Variants in UBE2L3 observed in about 807,000 individuals in gnomAD.
UBE2L3 encodes the protein ubiquitin-conjugating enzyme E2 L3.
Under a neutral mutation model 17.8 loss-of-function variants are expected in UBE2L3, and 1 was observed. The ratio of observed to expected loss-of-function variants is 0.06; its 90% CI spans 0.02 to 0.27. UBE2L3 has a LOEUF of 0.27. Among genes scored for constraint, UBE2L3 ranks in the 10% least tolerant of loss-of-function variants. UBE2L3 has a pLI of 1.00. For synonymous variants in UBE2L3, 44 were observed against 68.5 expected (o/e 0.64, Z 1.76); for missense variants, 40 against 192.6 (o/e 0.21, Z 4.69).
chr22:21,613,586 G>T (rs762658937), intron 3 of UBE2L3, among the ~76,000 whole-genome samples: 1 of 152,152 alleles, frequency 6.6e-6, no homozygotes, highest in Middle Eastern at 3.4e-3. Flanking sequence ...TGCACTTGAC[G>T]GCCACATTCC....
intron 1 of UBE2L3, among the ~76,000 whole-genome samples, chr22:21,553,025 C>T (rs1246328250): frequency 1.9e-4 from 4 of 20,574 alleles, no homozygotes; most frequent in African/African-American, 1.5e-3. Flanking sequence ...CGCGCATGGC[C>T]CTTTATTTTA....
chr22:21,592,966 G>A lies in UBE2L3; in HGVS notation c.123+10G>A. The A allele has an allele frequency of 6.2e-7, 1 of 1,606,096 alleles. No individual in the cohort carries two copies. Among genetic ancestry groups the A allele is most frequent in the South Asian group, 1.1e-5 (1 of 90,896 alleles). ...AGGGCTTATTGTTCCTGTGAGTATT[G>A]AACACTTCCACTTCCTACCAGATTA... On this transcript the variant is annotated intron_variant, in intron 2 of 3. Coordinates refer to ENST00000342192, the MANE Select transcript of UBE2L3 (RefSeq NM_003347.4).
chr22:21,611,669 T>C (rs1387297543), intron 3 of UBE2L3, among the ~76,000 whole-genome samples: 1 of 152,232 alleles, frequency 6.6e-6, no homozygotes, highest in Admixed American at 6.5e-5. Context: ...ATGCTCATTC[T>C]TCTGGGAAGA....
At chr22:21,565,896 G>A (rs555359646), upstream of UBE2L3, among the ~76,000 whole-genome samples, 51 of 150,524 alleles carry the variant, frequency 3.4e-4, no homozygotes, top group Non-Finnish European at 6.8e-4. Flanking sequence ...GATTGCAACC[G>A]GTTTCCAAGT....
intron 1 of UBE2L3, among the ~76,000 whole-genome samples, chr22:21,579,433 T>C (rs1156392022): frequency 3.3e-5 from 5 of 152,122 alleles, no homozygotes; most frequent in Admixed American, 3.3e-4. Flanking sequence ...TAGAAGGCCA[T>C]GAGGCTTATG....
intron 1 of UBE2L3, among the ~76,000 whole-genome samples, chr22:21,560,662 G>C (rs1402192541): frequency 1.3e-3 from 190 of 150,832 alleles, no homozygotes; most frequent in Non-Finnish European, 1.9e-4. Context: ...CGTTGGCCAG[G>C]CTGGTCTCAA....
chr22:21,566,089 C>T (rs1004793659), upstream of UBE2L3, among the ~76,000 whole-genome samples: 12 of 151,668 alleles, frequency 7.9e-5, no homozygotes, highest in African/African-American at 2.9e-4. Context: ...TCTCCTGCCT[C>T]AGCATCCAGA....
intron 1 of UBE2L3, among the ~76,000 whole-genome samples, chr22:21,569,196 G>C (rs1926821209): frequency 6.6e-6 from 1 of 152,060 alleles, no homozygotes; most frequent in Non-Finnish European, 1.5e-5. Context: ...AGGAGTTCAA[G>C]ACCAGCCTGG....
intron 1 of UBE2L3, among the ~76,000 whole-genome samples, chr22:21,569,116 C>G (rs1568969448): frequency 6.6e-6 from 1 of 152,068 alleles, no homozygotes. Context: ...GAGTGCAGGC[C>G]GGGCGCGATG....
At chr22:21,616,504 T>A (rs1039391953) in intron 3 of UBE2L3, among the ~76,000 whole-genome samples, 1 of 151,826 alleles carries the variant, frequency 6.6e-6, no homozygotes, top group Non-Finnish European at 1.5e-5. Flanking sequence ...CAAAAAAAAT[T>A]AGCTGGGCAC....
chr22:21,557,053 CAAAAAAAAAA>C (rs1348729084), intron 1 of UBE2L3, among the ~76,000 whole-genome samples: 3 of 147,150 alleles, frequency 2.0e-5, no homozygotes, highest in Non-Finnish European at 4.5e-5. Context: ...GAGTCTGAGT[CAAAAAAAAAA>C]GAAAAAAAAA....
chr22:21,609,842 A>T (rs895591486), intron 2 of UBE2L3, among the ~76,000 whole-genome samples: 1 of 152,148 alleles, frequency 6.6e-6, no homozygotes, highest in African/African-American at 2.4e-5. Flanking sequence ...CCTGGCCAAC[A>T]TGGTGAAACC....
chr22:21,570,004 C>T (rs1926869387), intron 1 of UBE2L3, among the ~76,000 whole-genome samples: 1 of 152,206 alleles, frequency 6.6e-6, no homozygotes, highest in South Asian at 2.1e-4. Context: ...CAGAGAAGTC[C>T]CAGGTTCAAC....
At chr22:21,593,324 C>T (rs993001728) in intron 2 of UBE2L3, among the ~76,000 whole-genome samples, 1 of 152,154 alleles carries the variant, frequency 6.6e-6, no homozygotes, top group African/African-American at 2.4e-5. Context: ...AGATATTTTG[C>T]TTTCTCTCTT....
intron 1 of UBE2L3, among the ~76,000 whole-genome samples, chr22:21,587,588 G>A (rs555135773): frequency 6.6e-6 from 1 of 152,202 alleles, no homozygotes; most frequent in Non-Finnish European, 1.5e-5. Flanking sequence ...ACCCCAAAAA[G>A]AAGCAAAAGA....
chr22:21,570,839 A>G (rs1926926951), intron 1 of UBE2L3, among the ~76,000 whole-genome samples: 1 of 152,226 alleles, frequency 6.6e-6, no homozygotes, highest in Admixed American at 6.5e-5. Context: ...CCTTAGGCAT[A>G]GCAATCTAGC....
chr22:21,564,176 C>A (rs1444578323), upstream of UBE2L3, among the ~76,000 whole-genome samples: 1 of 151,884 alleles, frequency 6.6e-6, no homozygotes. Flanking sequence ...GCTAGAATTA[C>A]TTGGCCATCA....
At chr22:21,591,311 A>G (rs1028356938) in intron 1 of UBE2L3, among the ~76,000 whole-genome samples, 4 of 152,132 alleles carry the variant, frequency 2.6e-5, no homozygotes, top group South Asian at 2.1e-4. Context: ...AGAAATCCCT[A>G]TGTTCAGGCT....
upstream of UBE2L3, among the ~76,000 whole-genome samples, chr22:21,565,624 G>A (rs1178318540): frequency 6.6e-6 from 1 of 150,868 alleles, no homozygotes; most frequent in African/African-American, 2.4e-5. Context: ...ATGGTGGCAG[G>A]TGCCTGTAAT....
Sources: gnomAD v4.1 joint callset for allele counts (sites outside exome capture counted in the v4.1 genomes callset) on GRCh38, gnomAD v4.1.1 for gene constraint, MANE v1.5 for transcripts, NCBI Gene and HGNC (gene_info 2026-07-23, HGNC 2026-07-21) for gene names.